The following KLHL36 variants were observed in gnomAD, a reference collection of about 807,000 sequenced individuals.
KLHL36 encodes kelch-like protein 36.
Under a neutral mutation model 53.3 loss-of-function variants are expected in KLHL36, and 35 were observed. That is an observed-to-expected ratio of 0.66 (90% CI 0.50 to 0.87). The LOEUF (loss-of-function observed/expected upper bound fraction) is 0.87, where lower values mean the gene tolerates loss of function less well. KLHL36 is among the 40% of genes least tolerant of loss of function. KLHL36 has a pLI of 0.00. For synonymous variants in KLHL36, 472 were observed against 398.9 expected (o/e 1.18, Z -2.18); for missense variants, 864 against 897.6 (o/e 0.96, Z 0.48).
In KLHL36 at chr16:84,661,928, A is replaced by G; in HGVS notation, c.1646A>G (p.Tyr549Cys). The G allele has an allele frequency of 6.2e-7, 1 of 1,601,618 alleles. No individual in the cohort carries two copies. The highest frequency in any genetic ancestry group is 8.5e-7 in the Non-Finnish European group (1 of 1,173,618). ...GTGGCAGTGTGGGAGGGCCGCATCT[A>G]CATCCTGGGCGGCTACAGCTGGGAG... Reference protein sequence around the residue: ...SGVAVWEGRIYILGGYSWENT... With the variant: ...SGVAVWEGRICILGGYSWENT... The change falls in exon 5 of 5, where the codon TAC (tyrosine) becomes TGC (cysteine). Residue 549 changes from tyrosine (Y) to cysteine (C), a missense_variant. Coordinates refer to ENST00000564996, the MANE Select transcript of KLHL36 (RefSeq NM_024731.4). This position sits in a 1 kb window ranked among gnomAD's most constrained non-coding sequence, Gnocchi z 7.9.
rs1043273234 is a variant in KLHL36 at position 84,662,444 on chromosome 16, G to A, written c.*311G>A. On this transcript the variant is annotated 3_prime_UTR_variant, in exon 5 of 5. Coordinates refer to ENST00000564996, the MANE Select transcript of KLHL36 (RefSeq NM_024731.4). Reference sequence around the variant, plus strand: ...CCCCCTGAGAGTAGCTGGCACGTGGGTAACACAGAAATTTCTGTAGTGAAG... The same window carrying A: ...CCCCCTGAGAGTAGCTGGCACGTGGATAACACAGAAATTTCTGTAGTGAAG... The A allele has an allele frequency of 1.3e-5, 3 of 237,396 alleles. No homozygotes were observed. The highest frequency in any genetic ancestry group is 1.0e-4 in the Admixed American group (2 of 19,740). The allele number at this position is 237,396 out of a possible 1,614,324, so 14.7% of individuals were successfully genotyped here. A position where few individuals can be genotyped will look rare whatever the true frequency, so the allele number is the denominator to read the frequency against.
At chr16:84,650,113 C>T (rs576830993) in intron 1 of KLHL36, among the ~76,000 whole-genome samples, 2 of 152,204 alleles carry the variant, frequency 1.3e-5, no homozygotes, top group South Asian at 2.1e-4. Flanking sequence ...TGTGTGACGC[C>T]GGGCAGCTTA....
chr16:84,649,764 G>C (rs1597210586), intron 1 of KLHL36, among the ~76,000 whole-genome samples: 1 of 152,204 alleles, frequency 6.6e-6, no homozygotes, highest in Admixed American at 6.5e-5. Context: ...TCTAAGAACA[G>C]TGCTGACTTC....
At position 84,657,539 on chromosome 16, in the gene KLHL36, C is replaced by T. The variant is rs1246383204; in HGVS notation, c.732C>T (p.Asp244=). ...NIHFPLIPKN[D]LLHRVKPAVC... is the part of the protein sequence containing the mutation. ...ACTTCCCGCTCATCCCCAAGAACGACCTGCTGCACCGCGTCAAGCCGGCCG... is the reference window on the plus strand; with the variant it reads ...ACTTCCCGCTCATCCCCAAGAACGATCTGCTGCACCGCGTCAAGCCGGCCG... The change falls in exon 3 of 5, where the codon GAC becomes GAT. Residue 244 remains aspartate, a synonymous_variant. Transcript: ENST00000564996. The T allele has an allele frequency of 2.5e-6, 4 of 1,610,370 alleles. No individual in the cohort carries two copies. In the East Asian group the frequency reaches 8.9e-5, roughly 36 times the overall value.
intron 2 of KLHL36, among the ~76,000 whole-genome samples, chr16:84,654,862 G>A (rs920187896): frequency 2.1e-4 from 32 of 152,052 alleles, no homozygotes; most frequent in African/African-American, 7.0e-4. Flanking sequence ...TGCCCACCTC[G>A]GCCTCCCAAA....
In KLHL36 at chr16:84,662,125, G is replaced by T. The variant is rs372062633; in HGVS notation, c.1843G>T (p.Gly615Cys). 4 of 1,539,582 alleles carry T rather than the reference G, an allele frequency of 2.6e-6. No homozygotes were observed. Among genetic ancestry groups the T allele is most frequent in the Non-Finnish European group, 3.5e-6 (4 of 1,140,484 alleles). The part of the protein sequence containing the change: ...KGKGKRHQDR[G>C]Q ...CAAAGGCAAGAGGCACCAGGACCGG[G>T]GCCAGTGACCCTAGCTGCGCCTCTT... Residue 615 changes from glycine (G) to cysteine (C), a missense_variant, in exon 5 of 5, where the codon GGC becomes TGC. Coordinates refer to ENST00000564996, the MANE Select transcript of KLHL36 (RefSeq NM_024731.4).
chr16:84,659,982 C>T (rs887390695), intron 4 of KLHL36, 65 bp downstream of exon 4: 20 of 1,456,510 alleles, frequency 1.4e-5, no homozygotes, highest in South Asian at 5.1e-5. Flanking sequence ...GTTCAGTCCA[C>T]GTGCCTCACT....
chr16:84,661,452 G>A lies in KLHL36; in HGVS notation c.1296-126G>A. 1.1e-6 allele frequency: 1 copy of A among 887,514 alleles called. No homozygotes were observed. The highest frequency in any genetic ancestry group is 2.5e-5 in the East Asian group (1 of 40,246). 55.0% of individuals were successfully genotyped at this position (887,514 alleles called of 1,614,324 possible). On this transcript the variant is annotated intron_variant, in intron 4 of 4. Coordinates refer to ENST00000564996, the MANE Select transcript of KLHL36 (RefSeq NM_024731.4). The surrounding 1 kb of genome is among the most constrained non-coding windows in gnomAD (Gnocchi z 7.9). ...CTACTGTCTATAGAGTGTTCATGGGGTGCCCACTCCCTATATTCTTAAATC... is the reference window on the plus strand; with the variant it reads ...CTACTGTCTATAGAGTGTTCATGGGATGCCCACTCCCTATATTCTTAAATC...
chr16:84,659,635 A>T, intron 3 of KLHL36, 125 bp from the exon 4 acceptor site: 1 of 978,822 alleles, frequency 1.0e-6, no homozygotes, highest in South Asian at 1.6e-5. Context: ...ATTCAGGTGC[A>T]GTTCCCTTTC....
chr16:84,662,029 A>C lies in KLHL36; in HGVS notation c.1747A>C (p.Lys583Gln), dbSNP rs1294291795. The C allele has an allele frequency of 6.3e-7, 1 of 1,587,996 alleles. No homozygotes were observed. Among genetic ancestry groups the C allele is most frequent in the Non-Finnish European group, 8.6e-7 (1 of 1,168,740 alleles). ...DKWSRGVDLP[K>Q]AIAGGSACVC... ...GTGGAGCAGGGGCGTCGACCTGCCC[A>C]AGGCCATCGCTGGCGGGTCCGCCTG... The change falls in exon 5 of 5, where the codon AAG (lysine) becomes CAG (glutamine). Residue 583 changes from lysine (K) to glutamine (Q), a missense_variant. Transcript: ENST00000564996.
At chr16:84,650,761 C>A in intron 1 of KLHL36, 91 bp from the exon 2 acceptor site, 3 of 903,794 alleles carry the variant, frequency 3.3e-6, no homozygotes, top group Non-Finnish European at 5.3e-6. Context: ...ACTGTTTTCA[C>A]TGTCATCCTT....
In KLHL36 at chr16:84,661,533, C is replaced by A. The variant is rs760452397; in HGVS notation, c.1296-45C>A. ...CCCGGCTCGGAGGGGGTAAGCCTGGCACAGCCCTGAGCTCTCCCTCTGTCT... is the reference window on the plus strand; with the variant it reads ...CCCGGCTCGGAGGGGGTAAGCCTGGAACAGCCCTGAGCTCTCCCTCTGTCT... On this transcript the variant is annotated intron_variant, in intron 4 of 4. Transcript: ENST00000564996. This position sits in a 1 kb window ranked among gnomAD's most constrained non-coding sequence, Gnocchi z 7.9. The A allele has an allele frequency of 3.9e-6, 6 of 1,527,892 alleles. No homozygotes were observed. In the Admixed American group the frequency reaches 1.2e-4, roughly 30 times the overall value. 94.6% of individuals were successfully genotyped at this position (1,527,892 alleles called of 1,614,324 possible). A position where few individuals can be genotyped will look rare whatever the true frequency, so the allele number is the denominator to read the frequency against.
chr16:84,654,116 G>C (rs1907065505), intron 2 of KLHL36, among the ~76,000 whole-genome samples: 1 of 152,152 alleles, frequency 6.6e-6, no homozygotes, highest in African/African-American at 2.4e-5. Context: ...TGCAGTCTGG[G>C]GTTGTGTGTA....
Position 84,661,568 on chromosome 16 carries a change from G to T in KLHL36, c.1296-10G>T. On this transcript the variant is annotated splice_polypyrimidine_tract_variant and intron_variant, in intron 4 of 4. Transcript: ENST00000564996. The surrounding 1 kb of genome is among the most constrained non-coding windows in gnomAD (Gnocchi z 7.9). ...AGCTCTCCCTCTGTCTCTGCCCGTC[G>T]ACCCTGCAGGTTCACGTACGGCCAC... 2 of 1,565,968 alleles carry T rather than the reference G, an allele frequency of 1.3e-6. No homozygotes were observed. The highest frequency in any genetic ancestry group is 2.4e-5 in the South Asian group (2 of 85,102).
At position 84,667,059 on chromosome 16, in the gene KLHL36, C is replaced by CAAAAAA. The variant is rs761527507; in HGVS notation, c.*4939_*4944dup. On this transcript the variant is annotated 3_prime_UTR_variant, in exon 5 of 5. Coordinates refer to ENST00000564996, the MANE Select transcript of KLHL36 (RefSeq NM_024731.4). ...CCTGGGTGACCGAGTAAGACTGTCTCAAAAAAAAAAAAAAAAAAGAAAAGA... is the reference window on the plus strand; with the variant it reads ...CCTGGGTGACCGAGTAAGACTGTCTCAAAAAAAAAAAAAAAAAAAAAAAAGAAAAGA... The CAAAAAA allele has an allele frequency of 2.2e-5, 1 of 45,096 alleles. No individual in the cohort carries two copies. The allele number at this position is 45,096 out of a possible 1,614,324, so 2.8% of individuals were successfully genotyped here.
At position 84,663,409 on chromosome 16, in the gene KLHL36, C is replaced by G. The variant is rs532756640; in HGVS notation, c.*1276C>G. The G allele has an allele frequency of 6.6e-6, 1 of 152,382 alleles. No homozygotes were observed. Among genetic ancestry groups the G allele is most frequent in the South Asian group, 2.1e-4 (1 of 4,820 alleles). The allele number at this position is 152,382 out of a possible 1,614,324, so 9.4% of individuals were successfully genotyped here. On this transcript the variant is annotated 3_prime_UTR_variant, in exon 5 of 5. Coordinates refer to ENST00000564996, the MANE Select transcript of KLHL36 (RefSeq NM_024731.4). ...CAGTTCCTAAAGCAGGTGTCAGGGT[C>G]GCTTGCCCTTTAAGAGGGCTCTTAG...
chr16:84,662,333 C>G lies in KLHL36; in HGVS notation c.*200C>G. The G allele has an allele frequency of 1.8e-6, 1 of 547,902 alleles. No individual in the cohort carries two copies. The highest frequency in any genetic ancestry group is 3.1e-6 in the Non-Finnish European group (1 of 317,758). 33.9% of individuals were successfully genotyped at this position (547,902 alleles called of 1,614,324 possible). A position where few individuals can be genotyped will look rare whatever the true frequency, so the allele number is the denominator to read the frequency against. Reference sequence around the variant, plus strand: ...TTACATATCTTGCTTGAATAACTAACCCTGGGCCCAGGCAGTGAGCAACCC... The same window carrying G: ...TTACATATCTTGCTTGAATAACTAAGCCTGGGCCCAGGCAGTGAGCAACCC... On this transcript the variant is annotated 3_prime_UTR_variant, in exon 5 of 5. Coordinates refer to ENST00000564996, the MANE Select transcript of KLHL36 (RefSeq NM_024731.4).
Position 84,657,918 on chromosome 16 carries a change from G to C in KLHL36, c.1111G>C (p.Asp371His), listed in dbSNP as rs780220325. ...GGCCTCCAATCTTCTTTATAGGTAT[G>C]ACCCCCGCTGTAAACAGTGGATCAA... Reference protein sequence around the residue: ...DAASNLLYRYDPRCKQWIKVA... With the variant: ...DAASNLLYRYHPRCKQWIKVA... Residue 371 changes from aspartate to histidine, a missense_variant, in exon 3 of 5, where the codon GAC becomes CAC. Physicochemically the swap from Asp to His is moderately conservative, Grantham distance 81. Coordinates refer to ENST00000564996, the MANE Select transcript of KLHL36 (RefSeq NM_024731.4). The C allele has an allele frequency of 6.5e-7, 1 of 1,529,402 alleles. No homozygotes were observed. The highest frequency in any genetic ancestry group is 2.3e-5 in the East Asian group (1 of 44,028). The allele number at this position is 1,529,402 out of a possible 1,614,324, so 94.7% of individuals were successfully genotyped here.
intron 4 of KLHL36, among the ~76,000 whole-genome samples, chr16:84,660,579 C>G (rs1907488376): frequency 6.6e-6 from 1 of 152,196 alleles, no homozygotes; most frequent in Non-Finnish European, 1.5e-5. Flanking sequence ...CTGTGGAATA[C>G]ATCCAGGTGT....
Sources: allele counts gnomAD v4.1 joint callset (sites outside exome capture counted in the v4.1 genomes callset), GRCh38; gene constraint gnomAD v4.1.1; non-coding constraint Gnocchi (gnomAD v3.1); transcripts MANE v1.5; gene names NCBI Gene and HGNC (gene_info 2026-07-23, HGNC 2026-07-21).